The following GRID1 variants were observed in gnomAD, a reference collection of about 807,000 sequenced individuals.
The protein encoded by GRID1 is glutamate receptor ionotropic, delta-1.
Under a neutral mutation model 98.0 loss-of-function variants are expected in GRID1, and 28 were observed. That is an observed-to-expected ratio of 0.29 (90% CI 0.21 to 0.39). GRID1 has a LOEUF of 0.39. GRID1 is among the 10% of genes least tolerant of loss of function. The probability of loss-of-function intolerance (pLI) is 1.00; values close to 1 mark genes in which losing one functional copy is unlikely to be tolerated. For missense variants in GRID1, 1,111 were observed against 1,340.5 expected (o/e 0.83, Z 2.67); for synonymous variants, 553 against 538.5 (o/e 1.03, Z -0.37).
intron 4 of GRID1, among the ~76,000 whole-genome samples, chr10:85,942,770 T>C (rs1842010973): frequency 6.6e-6 from 1 of 152,194 alleles, no homozygotes; most frequent in Non-Finnish European, 1.5e-5. Flanking sequence ...GTCCTATGTG[T>C]TGCCTGAATA....
Position 86,320,640 on chromosome 10 carries a change from C to A in GRID1, c.235+43301G>T, listed in dbSNP as rs540136301. On this transcript the variant is annotated intron_variant, in intron 2 of 15. Coordinates refer to ENST00000327946, the MANE Select transcript of GRID1 (RefSeq NM_017551.3). ...TGGCTGCACAGAATGTGAATTAATG[C>A]TATTGAACTGTACACTTAAAAATGG... Among the ~76,000 whole-genome samples the A allele has an allele frequency of 7.2e-5, 11 of 152,200 alleles. No individual in the cohort carries two copies. In the South Asian group the frequency reaches 2.3e-3, roughly 32 times the overall value.
At chr10:85,756,851 G>A (rs1463914460) in intron 8 of GRID1, among the ~76,000 whole-genome samples, 1 of 152,142 alleles carries the variant, frequency 6.6e-6, no homozygotes, top group East Asian at 1.9e-4. Flanking sequence ...GTATTGCTCT[G>A]AGCACTGTAC....
intron 8 of GRID1, among the ~76,000 whole-genome samples, chr10:85,843,224 A>G (rs1258602762): frequency 2.0e-5 from 3 of 152,002 alleles, no homozygotes; most frequent in Non-Finnish European, 4.4e-5. Context: ...TGATGAGGCA[A>G]TTGGATACCT....
At chr10:86,031,733 G>A (rs1436876578) in intron 4 of GRID1, among the ~76,000 whole-genome samples, 1 of 151,898 alleles carries the variant, frequency 6.6e-6, no homozygotes. Context: ...CTTCACAGCA[G>A]CTCTGCTCAA....
chr10:85,724,567 G>A lies in GRID1; in HGVS notation c.1643C>T (p.Pro548Leu). 1 of 1,613,406 alleles carries A rather than the reference G, an allele frequency of 6.2e-7. No homozygotes were observed. The highest frequency in any genetic ancestry group is 8.5e-7 in the Non-Finnish European group (1 of 1,179,972). The change falls in exon 11 of 16, where the codon CCC (proline) becomes CTC (leucine). Residue 548 changes from proline (P) to leucine (L), a missense_variant. Physicochemically the swap from Pro to Leu is moderately conservative, Grantham distance 98. Around this residue, in one of 3 missense-constraint regions of GRID1, gnomAD observed 762 missense variants for 869.1 expected, o/e 0.88. Transcript: ENST00000327946. ...DYSVGILIKK[P>L]EEKISIFSLF... ...GGAGAAGATGCTGATTTTCTCCTCGGGCTTCTTAATTAGAATCCCCACTGA... is the reference window on the plus strand; with the variant it reads ...GGAGAAGATGCTGATTTTCTCCTCGAGCTTCTTAATTAGAATCCCCACTGA...
intron 8 of GRID1, among the ~76,000 whole-genome samples, chr10:85,786,267 T>G (rs1180462436): frequency 6.6e-6 from 1 of 152,178 alleles, no homozygotes; most frequent in East Asian, 1.9e-4. Context: ...AAGCACTCAT[T>G]AGGCACCAAC....
intron 8 of GRID1, among the ~76,000 whole-genome samples, chr10:85,815,528 T>G (rs141282134): frequency 6.6e-6 from 1 of 152,034 alleles, no homozygotes; most frequent in African/African-American, 2.4e-5. Context: ...TACTAGTAAG[T>G]AGTAAGTTAG....
At chr10:85,810,624 C>A (rs190988338) in intron 8 of GRID1, among the ~76,000 whole-genome samples, 3 of 152,254 alleles carry the variant, frequency 2.0e-5, no homozygotes, top group African/African-American at 7.2e-5. Flanking sequence ...TACCATGCAC[C>A]CTCACTCCCA....
chr10:85,945,892 T>C (rs1842047816), intron 4 of GRID1, among the ~76,000 whole-genome samples: 1 of 152,246 alleles, frequency 6.6e-6, no homozygotes, highest in African/African-American at 2.4e-5. Flanking sequence ...TTAAAAATAC[T>C]GGAAATATTT....
At chr10:85,663,127 T>C (rs1255724757) in intron 12 of GRID1, among the ~76,000 whole-genome samples, 1 of 151,918 alleles carries the variant, frequency 6.6e-6, no homozygotes, top group African/African-American at 2.4e-5. Context: ...TTGGAATGCA[T>C]CCCCCCAAAG....
intron 4 of GRID1, among the ~76,000 whole-genome samples, chr10:86,063,849 A>G (rs1359878939): frequency 1.3e-5 from 2 of 152,196 alleles, no homozygotes; most frequent in African/African-American, 4.8e-5. Context: ...ATTAAAGCAC[A>G]CCCATATGCA....
intron 4 of GRID1, among the ~76,000 whole-genome samples, chr10:86,087,526 G>A (rs1181791542): frequency 2.0e-5 from 3 of 152,000 alleles, no homozygotes; most frequent in African/African-American, 7.3e-5. Context: ...GTGTGTGTGT[G>A]TGTGTGTGTG....
In GRID1 at chr10:85,677,835, G is replaced by T. The variant is rs142100880; in HGVS notation, c.1998-30438C>A. ...GAAGTGAGAAAAGCATGCACAATGG[G>T]GGGAGGTGAAGAGAGACACGCTCCA... is the stretch of plus-strand genomic sequence containing the variant. On this transcript the variant is annotated intron_variant, in intron 12 of 15. Coordinates refer to ENST00000327946, the MANE Select transcript of GRID1 (RefSeq NM_017551.3). Among the ~76,000 whole-genome samples, 16 of 152,238 alleles carry T rather than the reference G, an allele frequency of 1.1e-4. No homozygotes were observed. The East Asian group carries it at 3.1e-3, about 29-fold the overall frequency.
intron 8 of GRID1, among the ~76,000 whole-genome samples, chr10:85,733,509 C>T (rs562869996): frequency 6.6e-6 from 1 of 152,298 alleles, no homozygotes; most frequent in East Asian, 1.9e-4. Context: ...ACCTGAGTGA[C>T]CTCAGATAGC....
At chr10:85,719,765 C>A (rs1040838133) in intron 12 of GRID1, among the ~76,000 whole-genome samples, 1 of 152,014 alleles carries the variant, frequency 6.6e-6, no homozygotes, top group Admixed American at 6.6e-5. Flanking sequence ...AAGCCCTCAG[C>A]CTATGCCTCA....
intron 8 of GRID1, among the ~76,000 whole-genome samples, chr10:85,837,364 T>C (rs1325035144): frequency 3.9e-5 from 6 of 152,218 alleles, no homozygotes; most frequent in Non-Finnish European, 7.3e-5. Context: ...TCTGCCACTA[T>C]GGTGAATGCC....
chr10:86,087,349 G>A (rs1215245609), intron 4 of GRID1, among the ~76,000 whole-genome samples: 5 of 147,756 alleles, frequency 3.4e-5, no homozygotes, highest in African/African-American at 1.3e-4. Context: ...GTTTGTGTGT[G>A]TGTGTGTGTG....
At chr10:86,175,635 G>A (rs753656538) in intron 3 of GRID1, among the ~76,000 whole-genome samples, 45 of 152,234 alleles carry the variant, frequency 3.0e-4, no homozygotes, top group Non-Finnish European at 5.7e-4. Flanking sequence ...CACCTCCAGT[G>A]CCCAGAGCTG....
intron 4 of GRID1, among the ~76,000 whole-genome samples, chr10:86,041,473 T>A (rs958277064): frequency 6.6e-6 from 1 of 152,158 alleles, no homozygotes; most frequent in African/African-American, 2.4e-5. Flanking sequence ...TGCTGTGTAT[T>A]GGGTAGAGAC....
Sources: allele counts gnomAD v4.1 joint callset (sites outside exome capture counted in the v4.1 genomes callset), GRCh38; gene constraint gnomAD v4.1.1; regional missense constraint gnomAD v4.1.1; transcripts MANE v1.5; gene names NCBI Gene and HGNC (gene_info 2026-07-23, HGNC 2026-07-21).